The following IGFBP2 variants were observed in gnomAD, a reference collection of about 807,000 sequenced individuals.
The protein encoded by IGFBP2 is insulin-like growth factor-binding protein 2.
Under a neutral mutation model 26.2 loss-of-function variants are expected in IGFBP2, and 12 were observed. The observed-to-expected ratio is 0.46, with a 90% CI of 0.29 to 0.74. The LOEUF is 0.74. IGFBP2 is among the 30% of genes least tolerant of loss of function. The pLI is 0.09. For synonymous variants in IGFBP2, 189 were observed against 200.6 expected (o/e 0.94, Z 0.49); for missense variants, 328 against 441.2 (o/e 0.74, Z 2.30).
intron 1 of IGFBP2, among the ~76,000 whole-genome samples, chr2:216,645,178 A>G (rs1419835775): frequency 6.6e-6 from 1 of 152,228 alleles, no homozygotes; most frequent in African/African-American, 2.4e-5. Context: ...CTTCCTGATA[A>G]TGCTGAGCAG....
At position 216,664,358 on chromosome 2, in the gene IGFBP2, T is replaced by C; in HGVS notation, c.*254T>C. On this transcript the variant is annotated 3_prime_UTR_variant, in exon 4 of 4. Transcript: ENST00000233809. This position sits in a 1 kb window ranked among gnomAD's most constrained non-coding sequence, Gnocchi z 4.6. ...TGTGGTCGGGGAGCTGGGGTACAGG[T>C]TTGGGGAGGGGGAAGAGAAATTTTT... is the stretch of plus-strand genomic sequence containing the variant. The C allele has an allele frequency of 2.7e-6, 1 of 374,496 alleles. No homozygotes were observed. The highest frequency in any genetic ancestry group is 4.8e-6 in the Non-Finnish European group (1 of 209,364). The allele number at this position is 374,496 out of a possible 1,614,324, so 23.2% of individuals were successfully genotyped here. A position where few individuals can be genotyped will look rare whatever the true frequency, so the allele number is the denominator to read the frequency against.
At position 216,633,455 on chromosome 2, in the gene IGFBP2, A is replaced by G; in HGVS notation, c.-69A>G. ...CGGAGGAGGCGGCTCCCGCGCTCGC[A>G]GGGCCGTGCCACCTGCCCGCCCGCC... On this transcript the variant is annotated 5_prime_UTR_variant, in exon 1 of 4. Transcript: ENST00000233809. 1 of 293,740 alleles carries G rather than the reference A, an allele frequency of 3.4e-6. No individual in the cohort carries two copies. Among genetic ancestry groups the G allele is most frequent in the South Asian group, 1.2e-4 (1 of 8,402 alleles). The allele number at this position is 293,740 out of a possible 1,614,324, so 18.2% of individuals were successfully genotyped here.
rs557974064 is a variant in IGFBP2 at position 216,659,760 on chromosome 2, A to G, written c.443-797A>G. 1.0e-4 allele frequency: 161 copies of G among 1,533,758 alleles called. 2 individuals are homozygous for G. In the South Asian group the frequency reaches 1.8e-3, roughly 17 times the overall value. ...TCATGCCCTGCAGTAAGCTGAAGCTATGAAGTCGAAGGAGTCATAGTTCCT... is the reference window on the plus strand; with the variant it reads ...TCATGCCCTGCAGTAAGCTGAAGCTGTGAAGTCGAAGGAGTCATAGTTCCT... On this transcript the variant is annotated intron_variant, in intron 1 of 3. Coordinates refer to ENST00000233809, the MANE Select transcript of IGFBP2 (RefSeq NM_000597.3).
chr2:216,636,281 C>T (rs560098632), intron 1 of IGFBP2, among the ~76,000 whole-genome samples: 57 of 152,318 alleles, frequency 3.7e-4, no homozygotes, highest in African/African-American at 1.2e-3. Context: ...GAGCACCCCC[C>T]CTCCAGCCTG....
At position 216,633,910 on chromosome 2, in the gene IGFBP2, C is replaced by T. The variant is rs775780531; in HGVS notation, c.387C>T (p.Gly129=). ...LPLQALVMGE[G]TCEKRRDAEY... is the part of the protein sequence containing the mutation. ...TGCAGGCGCTGGTCATGGGCGAGGG[C>T]ACTTGTGAGAAGCGCCGGGACGCCG... The change falls in exon 1 of 4, where the codon GGC becomes GGT. Residue 129 remains glycine, a synonymous_variant. Transcript: ENST00000233809. 6.2e-6 allele frequency: 10 copies of T among 1,600,768 alleles called. No individual in the cohort carries two copies. Among genetic ancestry groups the T allele is most frequent in the Non-Finnish European group, 8.5e-6 (10 of 1,175,544 alleles).
chr2:216,655,079 ACT>A (rs1326347589), intron 1 of IGFBP2, among the ~76,000 whole-genome samples: 2 of 151,994 alleles, frequency 1.3e-5, no homozygotes, highest in African/African-American at 4.8e-5. Context: ...ACAGGGGCTC[ACT>A]CTGTCACCCA....
intron 2 of IGFBP2, chr2:216,661,304 A>C: frequency 3.8e-6 from 1 of 262,178 alleles, no homozygotes; most frequent in Non-Finnish European, 7.4e-6. Flanking sequence ...GGGTCTCACT[A>C]TGTTGTCCAG....
At position 216,650,902 on chromosome 2, in the gene IGFBP2, CAG is replaced by C. The variant is rs147859578; in HGVS notation, c.443-9654_443-9653del. 2.3e-3 allele frequency among the ~76,000 whole-genome samples: 356 copies of C among 152,156 alleles called. 6 individuals are homozygous for C. The East Asian group carries it at 0.026, about 11-fold the overall frequency. On this transcript the variant is annotated intron_variant, in intron 1 of 3. Coordinates refer to ENST00000233809, the MANE Select transcript of IGFBP2 (RefSeq NM_000597.3). The stretch of plus-strand genomic sequence containing the variant: ...GGCTCCCTTGCAGGAAGGAAGGGCT[CAG>C]GGGGTGAGAAGGAATAGGAAGGGAG...
upstream of IGFBP2, chr2:216,633,286 G>C (rs1156307373): frequency 6.5e-6 from 1 of 154,054 alleles, no homozygotes; most frequent in East Asian, 1.9e-4. Context: ...GTGGGCGAGC[G>C]GGCGTGCGCG....
chr2:216,638,840 C>T (rs1486029571), intron 1 of IGFBP2, among the ~76,000 whole-genome samples: 1 of 150,530 alleles, frequency 6.6e-6, no homozygotes, highest in Non-Finnish European at 1.5e-5. Flanking sequence ...GTTGGGACTA[C>T]AGGCACCTGC....
chr2:216,637,200 C>A (rs375864343), intron 1 of IGFBP2, among the ~76,000 whole-genome samples: 20 of 152,190 alleles, frequency 1.3e-4, no homozygotes, highest in East Asian at 7.7e-4. Flanking sequence ...CTTCCACCTC[C>A]CCTCCCCCCA....
chr2:216,638,891 G>A (rs1395032844), intron 1 of IGFBP2, among the ~76,000 whole-genome samples: 4 of 150,776 alleles, frequency 2.7e-5, no homozygotes, highest in African/African-American at 9.8e-5. Flanking sequence ...TAGTAGAGAC[G>A]GGGTTTCACA....
At chr2:216,641,608 A>G (rs1012421973) in intron 1 of IGFBP2, among the ~76,000 whole-genome samples, 3 of 152,168 alleles carry the variant, frequency 2.0e-5, no homozygotes, top group African/African-American at 7.2e-5. Context: ...TACAAATGCA[A>G]TTGATAAATG....
In IGFBP2 at chr2:216,664,419, A is replaced by C; in HGVS notation, c.*315A>C. 4.8e-6 allele frequency: 1 copy of C among 210,100 alleles called. No homozygotes were observed. The highest frequency in any genetic ancestry group is 9.4e-6 in the Non-Finnish European group (1 of 106,206). 13.0% of individuals were successfully genotyped at this position (210,100 alleles called of 1,614,324 possible). ...CCCTGTGTCCCTTTTGCATAAGATT[A>C]AAGGAAGGAAAAGTAAAGTGTGTGT... On this transcript the variant is annotated 3_prime_UTR_variant, in exon 4 of 4. Transcript: ENST00000233809. This position sits in a 1 kb window ranked among gnomAD's most constrained non-coding sequence, Gnocchi z 4.6.
At chr2:216,657,832 C>G (rs1164120192) in intron 1 of IGFBP2, among the ~76,000 whole-genome samples, 1 of 152,226 alleles carries the variant, frequency 6.6e-6, no homozygotes, top group Non-Finnish European at 1.5e-5. Flanking sequence ...CCAGGCTCCC[C>G]AGAGCCCCTG....
intron 1 of IGFBP2, among the ~76,000 whole-genome samples, chr2:216,647,330 G>C (rs1697730242): frequency 6.6e-6 from 1 of 152,116 alleles, no homozygotes; most frequent in African/African-American, 2.4e-5. Context: ...AAGCTGTACG[G>C]AAGCTAAGAC....
intron 1 of IGFBP2, among the ~76,000 whole-genome samples, chr2:216,648,043 G>A (rs1246105349): frequency 6.6e-6 from 1 of 152,172 alleles, no homozygotes; most frequent in Non-Finnish European, 1.5e-5. Context: ...TATACCAGAG[G>A]GAGTCTGTGC....
chr2:216,634,490 G>A (rs1221400437), intron 1 of IGFBP2, among the ~76,000 whole-genome samples: 3 of 152,174 alleles, frequency 2.0e-5, no homozygotes, highest in South Asian at 4.1e-4. Context: ...TGGAAAGAAA[G>A]GACTTGGTAC....
intron 1 of IGFBP2, among the ~76,000 whole-genome samples, chr2:216,660,261 T>C (rs1698009461): frequency 6.6e-6 from 1 of 152,150 alleles, no homozygotes; most frequent in South Asian, 2.1e-4. Flanking sequence ...TTTCAAATCC[T>C]GAATCCATCG....
Sources: gnomAD v4.1 joint callset for allele counts (sites outside exome capture counted in the v4.1 genomes callset) on GRCh38, gnomAD v4.1.1 for gene constraint, Gnocchi (gnomAD v3.1) non-coding constraint, MANE v1.5 for transcripts, NCBI Gene and HGNC (gene_info 2026-07-23, HGNC 2026-07-21) for gene names.